KDM3A: variants seen among roughly 807,000 people sequenced by gnomAD.
KDM3A encodes the protein lysine-specific demethylase 3A.
In KDM3A, 60 loss-of-function variants were observed where a neutral mutation model predicts 158.0. That is an observed-to-expected ratio of 0.38 (90% CI 0.31 to 0.47). The LOEUF (loss-of-function observed/expected upper bound fraction) is 0.47. Among genes scored for constraint, KDM3A ranks in the 20% least tolerant of loss-of-function variants. KDM3A has a pLI of 0.99. For missense variants in KDM3A, 1,319 were observed against 1,574.3 expected (o/e 0.84, Z 2.74); for synonymous variants, 608 against 549.3 (o/e 1.11, Z -1.49).
rs749498022 is a variant in KDM3A, at chr2:86,492,132, T to C, written c.*13T>C. 1.9e-6 allele frequency: 3 copies of C among 1,596,650 alleles called. No individual in the cohort carries two copies. The highest frequency in any genetic ancestry group is 2.6e-6 in the Non-Finnish European group (3 of 1,164,648). Reference sequence around the variant, plus strand: ...TGGCAAACCTTAATCTCCCTGCACATTGGAAATGAATTACAGGCAGCTGTT... The same window carrying C: ...TGGCAAACCTTAATCTCCCTGCACACTGGAAATGAATTACAGGCAGCTGTT... On this transcript the variant is annotated 3_prime_UTR_variant, in exon 26 of 26. Transcript: ENST00000312912.
Position 86,466,783 on chromosome 2 carries a change from A to C in KDM3A, c.1419A>C (p.Glu473Asp). Reference sequence around the variant, plus strand: ...ATAACTGTTCAGGAAAAAAGGTAGAACCTTCAGCTTTAGCTTGCCGATCAC... The same window carrying C: ...ATAACTGTTCAGGAAAAAAGGTAGACCCTTCAGCTTTAGCTTGCCGATCAC... The part of the protein sequence containing the change: ...SPNNCSGKKV[E>D]PSALACRSQN... The change falls in exon 10 of 26, where the codon GAA becomes GAC. Residue 473 changes from glutamate (E) to aspartate (D), a missense_variant. Physicochemically the swap from Glu to Asp is conservative, Grantham distance 45 (BLOSUM62 2). Coordinates refer to ENST00000312912, the MANE Select transcript of KDM3A (RefSeq NM_018433.6). 1 of 1,613,742 alleles carries C rather than the reference A, an allele frequency of 6.2e-7. No individual in the cohort carries two copies. The highest frequency in any genetic ancestry group is 8.5e-7 in the Non-Finnish European group (1 of 1,179,766).
At chr2:86,464,273 A>G (rs1673043916) in intron 9 of KDM3A, 57 bp downstream of exon 9, 4 of 1,257,540 alleles carry the variant, frequency 3.2e-6, no homozygotes, top group African/African-American at 1.5e-5. Context: ...TATTTTAGTC[A>G]TGGCTCATTG....
rs752860155 is a variant in KDM3A, at chr2:86,481,941, A to G, written c.2524A>G (p.Thr842Ala). The G allele has an allele frequency of 1.9e-6, 3 of 1,610,370 alleles. No individual in the cohort carries two copies. In the East Asian group the frequency reaches 6.7e-5, roughly 36 times the overall value. ...VNKENKEKQP[T>A]MPILKNEIKC... is the part of the protein sequence containing the mutation. ...TGGTTTTATTTTAGAAAAACAACCA[A>G]CAATGCCAATTTTAAAGAATGAAAT... Residue 842 changes from threonine (T) to alanine (A), a missense_variant, in exon 17 of 26, where the codon ACA (threonine) becomes GCA (alanine). Thr to Ala is a moderately conservative substitution (Grantham distance 58). Transcript: ENST00000312912.
At chr2:86,440,489 C>T (rs1455858045), upstream of KDM3A, among the ~76,000 whole-genome samples, 5 of 152,190 alleles carry the variant, frequency 3.3e-5, no homozygotes, top group African/African-American at 1.2e-4. Flanking sequence ...TTCAAAGTCA[C>T]CTTCTCTTTC....
At chr2:86,443,809 T>C (rs1283346441) in intron 2 of KDM3A, among the ~76,000 whole-genome samples, 1 of 152,176 alleles carries the variant, frequency 6.6e-6, no homozygotes, top group African/African-American at 2.4e-5. Flanking sequence ...AGAGATAATA[T>C]ATTGTGGTGC....
rs746666125 is a variant in KDM3A at position 86,477,880 on chromosome 2, A to G, written c.1943A>G (p.Gln648Arg). ...AGTGATTTACTGATTTTTGCAGGAC[A>G]GGTTGCTTGGAAGCGAGCTGTCAAA... is the stretch of plus-strand genomic sequence containing the variant. ...EAMSTIEPHRQVAWKRAVKGV... is the reference protein window; with the variant it reads ...EAMSTIEPHRRVAWKRAVKGV... Residue 648 changes from glutamine (Q) to arginine (R), a missense_variant, in exon 13 of 26, where the codon CAG (glutamine) becomes CGG (arginine). By Grantham distance (43) the Gln-to-Arg change is conservative. Coordinates refer to ENST00000312912, the MANE Select transcript of KDM3A (RefSeq NM_018433.6). 8.7e-6 allele frequency: 14 copies of G among 1,601,970 alleles called. No individual in the cohort carries two copies. The highest frequency in any genetic ancestry group is 1.2e-5 in the Non-Finnish European group (14 of 1,172,698).
chr2:86,469,541 T>C (rs1673308713), intron 10 of KDM3A, among the ~76,000 whole-genome samples: 1 of 152,220 alleles, frequency 6.6e-6, no homozygotes, highest in African/African-American at 2.4e-5. Flanking sequence ...TTCTCCGGCC[T>C]ATTACAAGTT....
intron 2 of KDM3A, chr2:86,443,523 C>T (rs1329092379): frequency 6.6e-6 from 1 of 152,148 alleles, no homozygotes; most frequent in Non-Finnish European, 1.5e-5. Flanking sequence ...ATCCTTACAG[C>T]AGTTCTTGGG....
intron 21 of KDM3A, 134 bp downstream of exon 21, chr2:86,485,993 C>T: frequency 1.1e-6 from 1 of 937,902 alleles, no homozygotes; most frequent in South Asian, 1.8e-5. Flanking sequence ...TTCATTTTTA[C>T]ATATTTCCTT....
chr2:86,475,036 T>A (rs1355934322), intron 12 of KDM3A, 46 bp downstream of exon 12: 2 of 1,503,188 alleles, frequency 1.3e-6, no homozygotes, highest in Non-Finnish European at 1.8e-6. Flanking sequence ...CCAATTTGAT[T>A]TTTGTTCCTA....
intron 8 of KDM3A, among the ~76,000 whole-genome samples, chr2:86,457,437 C>G (rs1336866722): frequency 6.6e-6 from 1 of 152,166 alleles, no homozygotes. Flanking sequence ...CTGCCCCTGG[C>G]TGCGTGGCAA....
chr2:86,481,896 G>GT lies in KDM3A; in HGVS notation c.2513-28dup, dbSNP rs778528341. On this transcript the variant is annotated intron_variant, in intron 16 of 25. Transcript: ENST00000312912. ...TAATAAGGGATTTGCCTTTCAGAAT[G>GT]TTTTTTCATCTGGATGTTTTGGTTT... 2.6e-6 allele frequency: 4 copies of GT among 1,551,392 alleles called. No homozygotes were observed. The South Asian group carries it at 4.6e-5, about 18-fold the overall frequency.
chr2:86,451,213 G>A lies in KDM3A; in HGVS notation c.453G>A (p.Gln151=). 6.4e-7 allele frequency: 1 copy of A among 1,559,964 alleles called. No homozygotes were observed. The highest frequency in any genetic ancestry group is 8.7e-7 in the Non-Finnish European group (1 of 1,145,524). The change falls in exon 4 of 26, where the codon CAG becomes CAA. Residue 151 remains glutamine (Q), a splice_region_variant and synonymous_variant. Transcript: ENST00000312912. ...CTAAAGACCTTTTGAAGCCTATACA[G>A]GTAAAACATAGAAACAGTAGTAAAC... ...FLSKDLLKPI[Q]DVNSLRLSLT...
chr2:86,456,045 C>T (rs1243120583), intron 5 of KDM3A, among the ~76,000 whole-genome samples: 1 of 151,808 alleles, frequency 6.6e-6, no homozygotes, highest in Non-Finnish European at 1.5e-5. Context: ...GAATATCAGC[C>T]ATATAAAATG....
At position 86,470,364 on chromosome 2, in the gene KDM3A, A is replaced by G; in HGVS notation, c.1680A>G (p.Gln560=). 3.1e-6 allele frequency: 5 copies of G among 1,614,084 alleles called. No homozygotes were observed. The highest frequency in any genetic ancestry group is 4.2e-6 in the Non-Finnish European group (5 of 1,179,964). ...RLDSLRKDKE[Q]QKDSPVFCRF... ...ACAGTCTCCGCAAGGATAAGGAGCA[A>G]CAGAAGGACTCACCTGTGTTTTGCC... Residue 560 remains glutamine, a synonymous_variant, in exon 11 of 26, where the codon CAA becomes CAG. Coordinates refer to ENST00000312912, the MANE Select transcript of KDM3A (RefSeq NM_018433.6).
chr2:86,463,986 T>C (rs1673028918), intron 8 of KDM3A, 67 bp from the exon 9 acceptor site: 2 of 1,181,324 alleles, frequency 1.7e-6, no homozygotes, highest in Admixed American at 2.6e-5. Flanking sequence ...ATCTTAAATT[T>C]GGTAGCATTT....
intron 11 of KDM3A, among the ~76,000 whole-genome samples, chr2:86,473,494 A>T (rs1021697328): frequency 2.6e-5 from 4 of 152,108 alleles, no homozygotes; most frequent in African/African-American, 9.7e-5. Flanking sequence ...TTTGTAATCG[A>T]AGCACTTCAG....
intron 8 of KDM3A, among the ~76,000 whole-genome samples, chr2:86,459,498 G>A (rs1672839417): frequency 6.6e-6 from 1 of 152,090 alleles, no homozygotes; most frequent in African/African-American, 2.4e-5. Flanking sequence ...TGAGCTGTGA[G>A]ACTTGCTGAG....
intron 11 of KDM3A, among the ~76,000 whole-genome samples, chr2:86,471,946 C>T (rs966120953): frequency 6.6e-6 from 1 of 152,090 alleles, no homozygotes; most frequent in African/African-American, 2.4e-5. Context: ...TGTTACAATG[C>T]ATATTCATTT....
Sources: allele counts gnomAD v4.1 joint callset (sites outside exome capture counted in the v4.1 genomes callset), GRCh38; gene constraint gnomAD v4.1.1; transcripts MANE v1.5; gene names NCBI Gene and HGNC (gene_info 2026-07-23, HGNC 2026-07-21).